SCAI: variants seen among roughly 807,000 people sequenced by gnomAD.
The protein encoded by SCAI is protein SCAI.
SCAI carries 24 observed loss-of-function variants against 92.2 expected under a neutral mutation model. The observed-to-expected ratio is 0.26, with a 90% CI of 0.19 to 0.37. The LOEUF (loss-of-function observed/expected upper bound fraction) is 0.37. Among genes scored for constraint, SCAI ranks in the 10% least tolerant of loss-of-function variants. The pLI is 1.00. For synonymous variants in SCAI, 261 were observed against 258.6 expected (o/e 1.01, Z -0.09); for missense variants, 450 against 736.2 (o/e 0.61, Z 4.50).
chr9:125,138,801 G>GAC (rs1337090436), intron 2 of SCAI, among the ~76,000 whole-genome samples: 3 of 152,130 alleles, frequency 2.0e-5, no homozygotes, highest in Non-Finnish European at 1.5e-5. Flanking sequence ...TGCCCACCTT[G>GAC]ACCTCCCAAA....
In SCAI at chr9:125,106,106, A is replaced by C. The variant is rs1175201769; in HGVS notation, c.98+36527T>G. ...AGTGAGACTCCATCTCAAAAAAAAA[A>C]AAAAAAAAAAAAAAAAATATATATA... On this transcript the variant is annotated intron_variant, in intron 2 of 17. Coordinates refer to ENST00000336505, the MANE Select transcript of SCAI (RefSeq NM_001144877.3). 2.4e-4 allele frequency among the ~76,000 whole-genome samples: 11 copies of C among 46,464 alleles called. 1 individual carries two copies. Among genetic ancestry groups the C allele is most frequent in the Non-Finnish European group, 3.5e-4 (8 of 22,596 alleles). 30.5% of individuals were successfully genotyped at this position (46,464 alleles called of 152,430 possible).
chr9:124,954,365 C>A (rs1167196427), intron 17 of SCAI, among the ~76,000 whole-genome samples: 2 of 152,158 alleles, frequency 1.3e-5, no homozygotes, highest in Non-Finnish European at 2.9e-5. Context: ...GGTTAAAAAA[C>A]AAACTGAATA....
At chr9:125,070,692 C>G (rs775083115) in intron 2 of SCAI, among the ~76,000 whole-genome samples, 9 of 152,154 alleles carry the variant, frequency 5.9e-5, no homozygotes, top group Non-Finnish European at 1.2e-4. Context: ...AGCCACCACA[C>G]CAGGCCAAAA....
intron 2 of SCAI, among the ~76,000 whole-genome samples, chr9:125,131,820 G>T: frequency 6.6e-6 from 1 of 152,148 alleles, no homozygotes; most frequent in East Asian, 1.9e-4. Flanking sequence ...GAATAGTCCT[G>T]TGTTTCAGTG....
At chr9:125,110,599 G>A (rs1334152680) in intron 2 of SCAI, among the ~76,000 whole-genome samples, 4 of 152,136 alleles carry the variant, frequency 2.6e-5, no homozygotes, top group African/African-American at 4.8e-5. Flanking sequence ...GTGAGTTCTC[G>A]TGAGATCTGG....
chr9:125,136,733 A>G (rs2131272694), intron 2 of SCAI, among the ~76,000 whole-genome samples: 1 of 150,584 alleles, frequency 6.6e-6, no homozygotes, highest in Non-Finnish European at 1.5e-5. Context: ...TGCTGGGATT[A>G]CAGGTGTGAG....
At chr9:125,063,949 T>C (rs1242046425) in intron 2 of SCAI, among the ~76,000 whole-genome samples, 1 of 152,122 alleles carries the variant, frequency 6.6e-6, no homozygotes, top group Non-Finnish European at 1.5e-5. Flanking sequence ...AGACGGGGTT[T>C]CACCATATTG....
chr9:125,132,784 T>C (rs1030536238), intron 2 of SCAI, among the ~76,000 whole-genome samples: 3 of 152,118 alleles, frequency 2.0e-5, no homozygotes, highest in African/African-American at 7.2e-5. Context: ...CTGACCAACA[T>C]GGTGAAACCC....
intron 17 of SCAI, among the ~76,000 whole-genome samples, chr9:124,957,774 C>T (rs1477167966): frequency 4.0e-5 from 6 of 151,870 alleles, no homozygotes; most frequent in Non-Finnish European, 7.4e-5. Flanking sequence ...CTCCGCCTCC[C>T]GGGATCAAGT....
At position 125,091,658 on chromosome 9, in the gene SCAI, C is replaced by G. The variant is rs944510451; in HGVS notation, c.99-35651G>C. Among the ~76,000 whole-genome samples, 1 of 152,220 alleles carries G rather than the reference C, an allele frequency of 6.6e-6. No individual in the cohort carries two copies. The highest frequency in any genetic ancestry group is 2.4e-5 in the African/African-American group (1 of 41,454). On this transcript the variant is annotated intron_variant, in intron 2 of 17. Transcript: ENST00000336505. This position sits in a 1 kb window ranked among gnomAD's most constrained non-coding sequence, Gnocchi z 4.3. ...ATGCTGACTGATCTCACTTTCAAAG[C>G]ATGACCACAGAATGGGCATTTCCAC... is the stretch of plus-strand genomic sequence containing the variant.
At chr9:125,084,317 C>T (rs1392721871) in intron 2 of SCAI, among the ~76,000 whole-genome samples, 1 of 151,732 alleles carries the variant, frequency 6.6e-6, no homozygotes, top group Non-Finnish European at 1.5e-5. Flanking sequence ...ACTACAGGTG[C>T]CCACCACCAC....
chr9:125,066,003 G>A (rs372055492), intron 2 of SCAI: 2 of 770,712 alleles, frequency 2.6e-6, no homozygotes, highest in Non-Finnish European at 4.8e-6. Context: ...TCAGTGAAAT[G>A]TTGATATCTT....
intron 2 of SCAI, among the ~76,000 whole-genome samples, chr9:125,101,907 T>C (rs1464102913): frequency 2.0e-5 from 3 of 152,230 alleles, no homozygotes; most frequent in African/African-American, 7.2e-5. Flanking sequence ...ATACTGTGAC[T>C]TTCCACAAGG....
chr9:125,066,097 G>A (rs758846295), intron 2 of SCAI: 1 of 709,066 alleles, frequency 1.4e-6, no homozygotes, highest in Admixed American at 2.4e-5. Flanking sequence ...AAAGATATAA[G>A]CTGTTATTAT....
At chr9:125,104,503 T>C (rs1213694706) in intron 2 of SCAI, among the ~76,000 whole-genome samples, 2 of 151,386 alleles carry the variant, frequency 1.3e-5, no homozygotes, top group African/African-American at 4.9e-5. Context: ...GTCTGTCAGA[T>C]AATCTTTGCT....
At chr9:125,139,179 G>T (rs747387761) in intron 2 of SCAI, among the ~76,000 whole-genome samples, 4 of 152,336 alleles carry the variant, frequency 2.6e-5, no homozygotes, top group Non-Finnish European at 4.4e-5. Flanking sequence ...TTGAGAGTCT[G>T]AGGAAGGCAG....
At chr9:124,981,457 C>T (rs1012884845) in intron 14 of SCAI, among the ~76,000 whole-genome samples, 3 of 152,130 alleles carry the variant, frequency 2.0e-5, no homozygotes, top group Admixed American at 2.0e-4. Context: ...CAGGCATTCT[C>T]TTTTTCTTAT....
intron 3 of SCAI, among the ~76,000 whole-genome samples, chr9:125,044,431 T>C (rs575143536): frequency 5.9e-5 from 9 of 152,086 alleles, no homozygotes; most frequent in Non-Finnish European, 1.2e-4. Context: ...CTTGCTGGGA[T>C]GATCCACCTG....
intron 17 of SCAI, chr9:124,968,228 C>A: frequency 1.0e-6 from 1 of 969,322 alleles, no homozygotes; most frequent in Non-Finnish European, 1.6e-6. Flanking sequence ...AAACAGACCT[C>A]AGCTGCATAA....
Sources: gnomAD v4.1 joint callset for allele counts (sites outside exome capture counted in the v4.1 genomes callset) on GRCh38, gnomAD v4.1.1 for gene constraint, Gnocchi (gnomAD v3.1) non-coding constraint, MANE v1.5 for transcripts, NCBI Gene and HGNC (gene_info 2026-07-23, HGNC 2026-07-21) for gene names.